Variants in PTPRS observed in about 807,000 individuals in gnomAD.
PTPRS encodes receptor-type tyrosine-protein phosphatase S.
PTPRS carries 63 observed loss-of-function variants against 215.3 expected under a neutral mutation model. That is an observed-to-expected ratio of 0.29 (90% confidence interval 0.24 to 0.36). The LOEUF (loss-of-function observed/expected upper bound fraction) is 0.36. PTPRS is among the 10% of genes least tolerant of loss of function. The probability of loss-of-function intolerance (pLI) is 1.00; values close to 1 mark genes in which losing one functional copy is unlikely to be tolerated. For missense variants in PTPRS, 2,258 were observed against 2,825.8 expected, an observed-to-expected ratio of 0.80 and a Z score of 4.56; for synonymous variants, 1,404 against 1,191.4, an observed-to-expected ratio of 1.18 and a Z score of -3.68.
At chr19:5,333,185 A>C (rs981395165) in intron 1 of PTPRS, among the ~76,000 whole-genome samples, 1 of 150,074 alleles carries the variant, frequency 6.7e-6, no homozygotes, top group Non-Finnish European at 1.5e-5. Flanking sequence ...AAAAAATGCC[A>C]ATTCGCCAGG....
At chr19:5,232,829 C>T (rs1385736713) in intron 13 of PTPRS, among the ~76,000 whole-genome samples, 4 of 151,540 alleles carry the variant, frequency 2.6e-5, no homozygotes, top group African/African-American at 9.7e-5. Context: ...CAAACACTTA[C>T]TATGTGCCAG....
chr19:5,244,342 G>C lies in PTPRS; in HGVS notation c.1129C>G (p.Gln377Glu), dbSNP rs756263696. ...GTGGTGGTGATGTCCTCTTTAATCT[G>C]ATACGGCCCGTCTTGGCTCTTGGAT... ...YKSKSQDGPY[Q>E]IKEDITTTRY... The change falls in exon 11 of 38, where the codon CAG becomes GAG. Residue 377 changes from glutamine to glutamate, a missense_variant. Coordinates refer to ENST00000262963, the MANE Select transcript of PTPRS (RefSeq NM_002850.4). This position sits in a 1 kb window ranked among gnomAD's most constrained non-coding sequence, Gnocchi z 7.2. 1.2e-6 allele frequency: 2 copies of C among 1,614,238 alleles called. No homozygotes were observed. The highest frequency in any genetic ancestry group is 1.7e-5 in the Admixed American group (1 of 60,034).
intron 2 of PTPRS, among the ~76,000 whole-genome samples, chr19:5,284,412 TAAATAAA>T (rs139829913): frequency 0.18 from 24,567 of 138,758 alleles, 2,384 homozygotes; most frequent in Non-Finnish European, 0.23. Context: ...AATAAATAAA[TAAATAAA>T]AATTAGCCAG....
intron 12 of PTPRS, among the ~76,000 whole-genome samples, chr19:5,239,753 C>T (rs970449985): frequency 6.6e-6 from 1 of 151,064 alleles, no homozygotes; most frequent in African/African-American, 2.4e-5. Flanking sequence ...GACAGAGAGA[C>T]AGAAAGAGAG....
intron 37 of PTPRS, among the ~76,000 whole-genome samples, chr19:5,207,692 C>A (rs1440129013): frequency 2.0e-5 from 3 of 152,180 alleles, no homozygotes; most frequent in African/African-American, 7.2e-5. Context: ...CTGCAATGAG[C>A]CCATCTCTGT....
intron 23 of PTPRS, 122 bp from the exon 24 acceptor site, chr19:5,218,920 TCTC>T (rs2041734203): frequency 9.4e-7 from 1 of 1,062,156 alleles, no homozygotes; most frequent in East Asian, 2.4e-5. Flanking sequence ...TGAGCTTTGG[TCTC>T]CTCTGGAAAA....
At chr19:5,247,151 C>T (rs1334471566) in intron 9 of PTPRS, among the ~76,000 whole-genome samples, 1 of 151,256 alleles carries the variant, frequency 6.6e-6, no homozygotes, top group East Asian at 1.9e-4. Context: ...TGTGACATGC[C>T]ACATTGTCAC....
chr19:5,222,656 C>G, intron 18 of PTPRS, 33 bp downstream of exon 18: 1 of 1,502,260 alleles, frequency 6.7e-7, no homozygotes, highest in South Asian at 1.3e-5. Flanking sequence ...AAGGCCCGGT[C>G]CGGCTCTGGT....
chr19:5,334,507 C>T (rs1239111090), intron 1 of PTPRS, among the ~76,000 whole-genome samples: 2 of 152,128 alleles, frequency 1.3e-5, no homozygotes, highest in African/African-American at 2.4e-5. Context: ...AGCAACTTGC[C>T]CCAGGTCACA....
chr19:5,259,307 G>A (rs893228439), intron 7 of PTPRS, among the ~76,000 whole-genome samples: 5 of 152,154 alleles, frequency 3.3e-5, no homozygotes, highest in Admixed American at 6.5e-5. Context: ...CACTTTCCAT[G>A]AACCTATAAA....
chr19:5,262,064 G>C (rs1300254569), intron 6 of PTPRS, among the ~76,000 whole-genome samples: 1 of 152,152 alleles, frequency 6.6e-6, no homozygotes, highest in African/African-American at 2.4e-5. Context: ...CCTGAGGTCA[G>C]GAGTTTGGGG....
chr19:5,258,434 A>G (rs1389812655), intron 7 of PTPRS, among the ~76,000 whole-genome samples: 1 of 152,232 alleles, frequency 6.6e-6, no homozygotes, highest in East Asian at 1.9e-4. Context: ...AAGATGGAGA[A>G]AAGTGTGTTT....
At position 5,222,760 on chromosome 19, in the gene PTPRS, C is replaced by A; in HGVS notation, c.3032G>T (p.Arg1011Leu). Residue 1011 changes from arginine to leucine, a missense_variant, in exon 18 of 38, where the codon CGA becomes CTA. Transcript: ENST00000262963. ...KPDTAYDLQVRAHTRRGPGPF... is the reference protein window; with the variant it reads ...KPDTAYDLQVLAHTRRGPGPF... ...GCCAGGGCCCCGGCGCGTGTGGGCT[C>A]GCACTTGGAGGTCATAGGCCGTGTC... 6.3e-7 allele frequency: 1 copy of A among 1,598,880 alleles called. No individual in the cohort carries two copies. The highest frequency in any genetic ancestry group is 8.5e-7 in the Non-Finnish European group (1 of 1,178,494).
At chr19:5,262,287 CT>C (rs2046060243) in intron 6 of PTPRS, among the ~76,000 whole-genome samples, 1 of 152,050 alleles carries the variant, frequency 6.6e-6, no homozygotes, top group Admixed American at 6.6e-5. Flanking sequence ...AAAAAGAAGT[CT>C]TTTCAAGTTG....
At chr19:5,249,741 C>A (rs539148302) in intron 9 of PTPRS, among the ~76,000 whole-genome samples, 16 of 152,284 alleles carry the variant, frequency 1.1e-4, no homozygotes, top group African/African-American at 3.9e-4. Flanking sequence ...CAGTAGCCAT[C>A]ATAATAAATG....
At chr19:5,222,550 G>A (rs973686998) in intron 18 of PTPRS, 139 bp downstream of exon 18, 32 of 1,024,816 alleles carry the variant, frequency 3.1e-5, no homozygotes, top group Admixed American at 9.2e-5. Flanking sequence ...CCGGAGCCTC[G>A]GGGTCCGGAC....
intron 1 of PTPRS, among the ~76,000 whole-genome samples, chr19:5,331,127 T>TAAAAAAAA (rs1568622692): frequency 3.2e-4 from 26 of 80,690 alleles, no homozygotes; most frequent in African/African-American, 1.2e-3. Flanking sequence ...GCTTCTTTTT[T>TAAAAAAAA]TAAAAAAAAA....
Position 5,293,767 on chromosome 19 carries a change from G to A in PTPRS, c.-94-7533C>T, listed in dbSNP as rs765760761. Among the ~76,000 whole-genome samples the A allele has an allele frequency of 3.5e-4, 54 of 152,284 alleles. No individual in the cohort carries two copies. The highest frequency in any genetic ancestry group is 6.5e-4 in the Non-Finnish European group (44 of 68,010). ...AGGGTAGGGGAGAGGTGCGGGCGCAGAGGCTTCCCTCCCGCTGGGGGTCCA... is the reference window on the plus strand; with the variant it reads ...AGGGTAGGGGAGAGGTGCGGGCGCAAAGGCTTCCCTCCCGCTGGGGGTCCA... On this transcript the variant is annotated intron_variant, in intron 1 of 37. Coordinates refer to ENST00000262963, the MANE Select transcript of PTPRS (RefSeq NM_002850.4). This position sits in a 1 kb window ranked among gnomAD's most constrained non-coding sequence, Gnocchi z 8.4.
At chr19:5,253,062 C>G (rs2146157016) in intron 9 of PTPRS, among the ~76,000 whole-genome samples, 1 of 152,168 alleles carries the variant, frequency 6.6e-6, no homozygotes, top group South Asian at 2.1e-4. Flanking sequence ...AACTCATACT[C>G]TAAAGGCTTA....
Sources: gnomAD v4.1 joint callset for allele counts (sites outside exome capture counted in the v4.1 genomes callset) on GRCh38, gnomAD v4.1.1 for gene constraint, Gnocchi (gnomAD v3.1) non-coding constraint, MANE v1.5 for transcripts, NCBI Gene and HGNC (gene_info 2026-07-23, HGNC 2026-07-21) for gene names.